The following RBM18 variants were observed in gnomAD, a reference collection of about 807,000 sequenced individuals.
RBM18 encodes probable RNA-binding protein 18.
A neutral mutation model predicts 26.4 loss-of-function variants in RBM18; 18 were observed. The observed-to-expected ratio is 0.68, with a 90% CI of 0.47 to 1.01. RBM18 has a LOEUF of 1.01. Among genes scored for constraint, RBM18 ranks in the 50% least tolerant of loss-of-function variants. RBM18 has a pLI of 0.00. For missense variants in RBM18, 180 were observed against 219.2 expected (o/e 0.82, Z 1.13); for synonymous variants, 74 against 81.1 (o/e 0.91, Z 0.47).
rs1831365603 is a variant in RBM18, at chr9:122,238,606, A to G, written c.*3278T>C. The G allele has an allele frequency of 6.6e-6, 1 of 152,266 alleles. No individual in the cohort carries two copies. The highest frequency in any genetic ancestry group is 1.5e-5 in the Non-Finnish European group (1 of 68,066). The allele number at this position is 152,266 out of a possible 1,614,324, so 9.4% of individuals were successfully genotyped here. A position where few individuals can be genotyped will look rare whatever the true frequency, so the allele number is the denominator to read the frequency against. On this transcript the variant is annotated 3_prime_UTR_variant, in exon 6 of 6. Coordinates refer to ENST00000417201, the MANE Select transcript of RBM18 (RefSeq NM_033117.4). The stretch of plus-strand genomic sequence containing the variant: ...GCAAGAAGGCCAACGTGGCTGCAGT[A>G]CACCGCACAAGGGGAGAACAGTAGG...
chr9:122,241,152 T>A lies in RBM18; in HGVS notation c.*732A>T, dbSNP rs1831409371. ...TTATAGAAGGCATGGTTATTTAGAT[T>A]TGAAAAAAATGGTTGCTATAGAATA... is the stretch of plus-strand genomic sequence containing the variant. On this transcript the variant is annotated 3_prime_UTR_variant, in exon 6 of 6. Coordinates refer to ENST00000417201, the MANE Select transcript of RBM18 (RefSeq NM_033117.4). 2 of 152,310 alleles carry A rather than the reference T, an allele frequency of 1.3e-5. No individual in the cohort carries two copies. The highest frequency in any genetic ancestry group is 4.1e-4 in the South Asian group (2 of 4,834). 9.4% of individuals were successfully genotyped at this position (152,310 alleles called of 1,614,324 possible). A position where few individuals can be genotyped will look rare whatever the true frequency, so the allele number is the denominator to read the frequency against.
Position 122,254,016 on chromosome 9 carries a change from AG to A in RBM18, c.114-2044del, listed in dbSNP as rs138856389. 9.0e-3 allele frequency among the ~76,000 whole-genome samples: 1,355 copies of A among 150,958 alleles called. 14 individuals are homozygous for A. Among genetic ancestry groups the A allele is most frequent in the Admixed American group, 0.027 (412 of 15,164 alleles). ...GCACTCCAGCCTGGGCGACAGAGCA[AG>A]ATTCCGTCTCAAAAAAAAAAAAGAA... On this transcript the variant is annotated intron_variant, in intron 2 of 5. Coordinates refer to ENST00000417201, the MANE Select transcript of RBM18 (RefSeq NM_033117.4).
At chr9:122,251,994 A>T in intron 2 of RBM18, 21 bp from the exon 3 acceptor site, 1 of 1,613,400 alleles carries the variant, frequency 6.2e-7, no homozygotes, top group Non-Finnish European at 8.5e-7. Context: ...AGAAGAGTCC[A>T]TGAGTATGCT....
At chr9:122,261,973 A>G (rs1271180763) in intron 1 of RBM18, among the ~76,000 whole-genome samples, 2 of 151,696 alleles carry the variant, frequency 1.3e-5, no homozygotes, top group African/African-American at 4.8e-5. Flanking sequence ...TAGCAAAGAG[A>G]AGAGGCAATA....
In RBM18 at chr9:122,239,489, CTTCAA is replaced by C. The variant is rs888055199; in HGVS notation, c.*2390_*2394del. ...TTCATACGTCTCTCCTCAGTATTTCCTTCAATTCTTCACTCTTGTATATAAATCAA... is the reference window on the plus strand; with the variant it reads ...TTCATACGTCTCTCCTCAGTATTTCCTTCTTCACTCTTGTATATAAATCAA... On this transcript the variant is annotated 3_prime_UTR_variant, in exon 6 of 6. Transcript: ENST00000417201. 17 of 152,234 alleles carry C rather than the reference CTTCAA, an allele frequency of 1.1e-4. No individual in the cohort carries two copies. Among genetic ancestry groups the C allele is most frequent in the African/African-American group, 3.4e-4 (14 of 41,524 alleles). The allele number at this position is 152,234 out of a possible 1,614,324, so 9.4% of individuals were successfully genotyped here.
intron 3 of RBM18, among the ~76,000 whole-genome samples, chr9:122,251,140 A>C (rs984900843): frequency 6.6e-6 from 1 of 152,098 alleles, no homozygotes; most frequent in African/African-American, 2.4e-5. Flanking sequence ...GCTGGTCTCA[A>C]ACAATCTCCC....
At chr9:122,254,192 C>A (rs1328843807) in intron 2 of RBM18, 4 of 203,072 alleles carry the variant, frequency 2.0e-5, no homozygotes, top group Non-Finnish European at 3.5e-5. Context: ...TTTTAATTTA[C>A]TCAGAAAAAA....
Position 122,237,775 on chromosome 9 carries a change from T to G in RBM18, c.*4109A>C, listed in dbSNP as rs1410627180. The G allele has an allele frequency of 1.3e-5, 2 of 152,252 alleles. No homozygotes were observed. Among genetic ancestry groups the G allele is most frequent in the Non-Finnish European group, 2.9e-5 (2 of 68,044 alleles). The allele number at this position is 152,252 out of a possible 1,614,324, so 9.4% of individuals were successfully genotyped here. ...CCGATAGTATATATTTCAGGTTTTG[T>G]AGGCCACAGTCTTCATTGCCAACTA... On this transcript the variant is annotated 3_prime_UTR_variant, in exon 6 of 6. Coordinates refer to ENST00000417201, the MANE Select transcript of RBM18 (RefSeq NM_033117.4).
At chr9:122,257,548 T>C (rs1831718088) in intron 2 of RBM18, among the ~76,000 whole-genome samples, 1 of 152,168 alleles carries the variant, frequency 6.6e-6, no homozygotes, top group Non-Finnish European at 1.5e-5. Context: ...GGGAGGAGAC[T>C]GATAGACATC....
At position 122,237,773 on chromosome 9, in the gene RBM18, T is replaced by C. The variant is rs1455266403; in HGVS notation, c.*4111A>G. Reference sequence around the variant, plus strand: ...GACCGATAGTATATATTTCAGGTTTTGTAGGCCACAGTCTTCATTGCCAAC... The same window carrying C: ...GACCGATAGTATATATTTCAGGTTTCGTAGGCCACAGTCTTCATTGCCAAC... On this transcript the variant is annotated 3_prime_UTR_variant, in exon 6 of 6. Coordinates refer to ENST00000417201, the MANE Select transcript of RBM18 (RefSeq NM_033117.4). 1 of 152,274 alleles carries C rather than the reference T, an allele frequency of 6.6e-6. No homozygotes were observed. Among genetic ancestry groups the C allele is most frequent in the Admixed American group, 6.5e-5 (1 of 15,294 alleles). The allele number at this position is 152,274 out of a possible 1,614,324, so 9.4% of individuals were successfully genotyped here.
chr9:122,249,954 C>T (rs1831571378), intron 3 of RBM18, among the ~76,000 whole-genome samples: 1 of 150,494 alleles, frequency 6.6e-6, no homozygotes, highest in Non-Finnish European at 1.5e-5. Flanking sequence ...GCCTGTAGTC[C>T]CAGCTACTGC....
intron 2 of RBM18, among the ~76,000 whole-genome samples, chr9:122,252,713 A>T (rs1461951175): frequency 6.6e-6 from 1 of 152,228 alleles, no homozygotes; most frequent in Non-Finnish European, 1.5e-5. Context: ...CAGTTGCCTT[A>T]AAACAGTTTA....
chr9:122,261,095 A>C (rs1173597455), intron 2 of RBM18, among the ~76,000 whole-genome samples: 1 of 152,078 alleles, frequency 6.6e-6, no homozygotes, highest in Admixed American at 6.6e-5. Flanking sequence ...TAGAGCTACT[A>C]GGTACAAGGA....
At chr9:122,243,405 C>T (rs1397528438) in intron 5 of RBM18, among the ~76,000 whole-genome samples, 1 of 152,208 alleles carries the variant, frequency 6.6e-6, no homozygotes, top group Non-Finnish European at 1.5e-5. Flanking sequence ...GAGGATTCAA[C>T]TCATCACCAA....
chr9:122,251,847 C>T lies in RBM18; in HGVS notation c.240G>A (p.Gln80=). 5 of 1,613,648 alleles carry T rather than the reference C, an allele frequency of 3.1e-6. No homozygotes were observed. Among genetic ancestry groups the T allele is most frequent in the Non-Finnish European group, 4.2e-6 (5 of 1,179,660 alleles). The change falls in exon 3 of 6, where the codon CAG becomes CAA. Residue 80 remains glutamine, a splice_region_variant and synonymous_variant. Transcript: ENST00000417201. ...TAAAATGGGGAGAAAGCTTAATTACCTGCTTAGTTTCAAAGTTAACAAAAC... is the reference window on the plus strand; with the variant it reads ...TAAAATGGGGAGAAAGCTTAATTACTTGCTTAGTTTCAAAGTTAACAAAAC... ...GYCFVNFETK[Q]EAEQAIQCLN... is the part of the protein sequence containing the mutation.
Position 122,240,573 on chromosome 9 carries a change from G to A in RBM18, c.*1311C>T, listed in dbSNP as rs989053780. ...CTGTCATCACCAAGAATGGCACCTG[G>A]AGTAACAAAGTGATACATACCTGGT... is the stretch of plus-strand genomic sequence containing the variant. On this transcript the variant is annotated 3_prime_UTR_variant, in exon 6 of 6. Transcript: ENST00000417201. 7 of 152,124 alleles carry A rather than the reference G, an allele frequency of 4.6e-5. No individual in the cohort carries two copies. The highest frequency in any genetic ancestry group is 1.4e-4 in the African/African-American group (6 of 41,428). The allele number at this position is 152,124 out of a possible 1,614,324, so 9.4% of individuals were successfully genotyped here. A position where few individuals can be genotyped will look rare whatever the true frequency, so the allele number is the denominator to read the frequency against.
intron 2 of RBM18, among the ~76,000 whole-genome samples, chr9:122,259,260 A>G (rs1190224868): frequency 6.6e-6 from 1 of 152,240 alleles, no homozygotes; most frequent in African/African-American, 2.4e-5. Flanking sequence ...AGAGAAGTGC[A>G]GCCAACACAA....
intron 2 of RBM18, among the ~76,000 whole-genome samples, chr9:122,253,031 A>G (rs1831629886): frequency 6.6e-6 from 1 of 152,156 alleles, no homozygotes; most frequent in Non-Finnish European, 1.5e-5. Context: ...TGCTATTCAA[A>G]TGGAGTCAAG....
chr9:122,259,249 C>T (rs1386173745), intron 2 of RBM18, among the ~76,000 whole-genome samples: 1 of 152,186 alleles, frequency 6.6e-6, no homozygotes, highest in Non-Finnish European at 1.5e-5. Flanking sequence ...AGTCTCATTA[C>T]AGAGAAGTGC....
Sources: allele counts gnomAD v4.1 joint callset (sites outside exome capture counted in the v4.1 genomes callset), GRCh38; gene constraint gnomAD v4.1.1; transcripts MANE v1.5; gene names NCBI Gene and HGNC (gene_info 2026-07-23, HGNC 2026-07-21).